The following EIF3A variants were observed in gnomAD, a reference collection of about 807,000 sequenced individuals.
The protein encoded by EIF3A is eukaryotic translation initiation factor 3 subunit A.
In EIF3A, 21 loss-of-function variants were observed where a neutral mutation model predicts 186.6. That is an observed-to-expected ratio of 0.11 (90% CI 0.08 to 0.16). The LOEUF is 0.16. Among genes scored for constraint, EIF3A ranks in the 10% least tolerant of loss-of-function variants. The pLI is 1.00. For missense variants in EIF3A, 1,306 were observed against 1,796.3 expected, an observed-to-expected ratio of 0.73 and a Z score of 4.93; for synonymous variants, 563 against 584.3, an observed-to-expected ratio of 0.96 and a Z score of 0.52.
At chr10:119,066,476 T>A (rs1843980392) in intron 6 of EIF3A, among the ~76,000 whole-genome samples, 1 of 114,840 alleles carries the variant, frequency 8.7e-6, no homozygotes, top group African/African-American at 3.5e-5. Context: ...GCCACTGGAC[T>A]CCAGCCTGGG....
intron 1 of EIF3A, among the ~76,000 whole-genome samples, chr10:119,076,987 A>G (rs1261507917): frequency 6.6e-6 from 1 of 151,840 alleles, no homozygotes; most frequent in Non-Finnish European, 1.5e-5. Flanking sequence ...GTTCTTCATA[A>G]CTAACAAAAA....
chr10:119,034,758 T>C lies in EIF3A; in HGVS notation c.*1281A>G, dbSNP rs942815064. On this transcript the variant is annotated 3_prime_UTR_variant, in exon 22 of 22. Transcript: ENST00000369144. Reference sequence around the variant, plus strand: ...CAAATTAACTACGATTTTTCTAATTTCAGGTGAAAACCCAAGGTGGTACTT... The same window carrying C: ...CAAATTAACTACGATTTTTCTAATTCCAGGTGAAAACCCAAGGTGGTACTT... 6.6e-6 allele frequency: 1 copy of C among 152,182 alleles called. No homozygotes were observed. The highest frequency in any genetic ancestry group is 2.4e-5 in the African/African-American group (1 of 41,442). The allele number at this position is 152,182 out of a possible 1,614,324, so 9.4% of individuals were successfully genotyped here.
rs1848228508 is a variant in EIF3A, at chr10:119,042,715, C to T, written c.2805G>A (p.Glu935=). ...CATCATCCCCCAGACGCCGGGGCCG[C>T]TCTTCATCTCTTCTATGAGACCTGT... The part of the protein sequence containing the change: ...DEDRSHRRDE[E]RPRRLGDDED... Residue 935 remains glutamate, a synonymous_variant, in exon 19 of 22, where the codon GAG becomes GAA. Transcript: ENST00000369144. The surrounding 1 kb of genome is among the most constrained non-coding windows in gnomAD (Gnocchi z 7.8). 3.1e-6 allele frequency: 5 copies of T among 1,613,584 alleles called. No homozygotes were observed. The highest frequency in any genetic ancestry group is 1.3e-5 in the African/African-American group (1 of 74,930).
Position 119,042,297 on chromosome 10 carries a change from C to T in EIF3A, c.3223G>A (p.Asp1075Asn), listed in dbSNP as rs779036916. The change falls in exon 19 of 22, where the codon GAT becomes AAT. Residue 1075 changes from aspartate to asparagine, a missense_variant. Around this residue, in one of 8 missense-constraint regions of EIF3A, gnomAD observed 410 missense variants for 473.5 expected, o/e 0.87. Transcript: ENST00000369144. The surrounding 1 kb of genome is among the most constrained non-coding windows in gnomAD (Gnocchi z 7.8). Reference protein sequence around the residue: ...DDRGPRRGLDDDRGPRRGMDD... With the variant: ...DDRGPRRGLDNDRGPRRGMDD... ...ATGCCTCGCCTGGGACCCCGATCAT[C>T]ATCCAACCCTCGCCTGGGACCCCGG... 1.2e-6 allele frequency: 2 copies of T among 1,614,012 alleles called. No homozygotes were observed. Among genetic ancestry groups the T allele is most frequent in the Non-Finnish European group, 1.7e-6 (2 of 1,179,994 alleles).
In EIF3A at chr10:119,035,888, T is replaced by C. The variant is rs1848120859; in HGVS notation, c.*151A>G. The C allele has an allele frequency of 1.6e-6, 1 of 633,338 alleles. No homozygotes were observed. Among genetic ancestry groups the C allele is most frequent in the Non-Finnish European group, 2.8e-6 (1 of 363,142 alleles). The allele number at this position is 633,338 out of a possible 1,614,324, so 39.2% of individuals were successfully genotyped here. ...GTGGATATGGTGCATGATCAATCTA[T>C]TATATAGGATTAATACAAGTTCATG... On this transcript the variant is annotated 3_prime_UTR_variant, in exon 22 of 22. Transcript: ENST00000369144.
Position 119,056,823 on chromosome 10 carries a change from C to T in EIF3A, c.2113G>A (p.Glu705Lys). 1.2e-6 allele frequency: 2 copies of T among 1,613,710 alleles called. No individual in the cohort carries two copies. Among genetic ancestry groups the T allele is most frequent in the Non-Finnish European group, 1.7e-6 (2 of 1,179,772 alleles). Residue 705 changes from glutamate to lysine, a missense_variant, in exon 14 of 22, where the codon GAA (glutamate) becomes AAA (lysine). Glu to Lys is a moderately conservative substitution (Grantham distance 56). Coordinates refer to ENST00000369144, the MANE Select transcript of EIF3A (RefSeq NM_003750.4). ...GCGCTCTTTATCAAAGGAATTTCTTCCAAACGTTTGGCTCTTTCAAAATAG... is the reference window on the plus strand; with the variant it reads ...GCGCTCTTTATCAAAGGAATTTCTTTCAAACGTTTGGCTCTTTCAAAATAG... Reference protein sequence around the residue: ...IDYFERAKRLEEIPLIKSAYE... With the variant: ...IDYFERAKRLKEIPLIKSAYE...
Position 119,036,105 on chromosome 10 carries a change from A to G in EIF3A, c.4083T>C (p.Asp1361=), listed in dbSNP as rs1421911588. The change falls in exon 22 of 22, where the codon GAT becomes GAC. Residue 1361 remains aspartate (D), a synonymous_variant. Coordinates refer to ENST00000369144, the MANE Select transcript of EIF3A (RefSeq NM_003750.4). ...TTTTAGTACGACGGAGAGATTCCCT[A>G]TCTTTCTCAGCTCTCCATGAGGCCT... ...KEKASWRAEK[D]RESLRRTKNE... 2.5e-6 allele frequency: 4 copies of G among 1,613,598 alleles called. No individual in the cohort carries two copies. In the African/African-American group the frequency reaches 4.0e-5, roughly 16 times the overall value.
intron 4 of EIF3A, among the ~76,000 whole-genome samples, chr10:119,072,282 T>G (rs1216722519): frequency 2.7e-5 from 4 of 148,736 alleles, no homozygotes; most frequent in African/African-American, 9.9e-5. Context: ...TTTTCAGTTA[T>G]ACAGAGAATT....
rs7909974 is a variant in EIF3A at position 119,057,394 on chromosome 10, C to T, written c.1978-354G>A. Among the ~76,000 whole-genome samples, 1,478 of 152,304 alleles carry T rather than the reference C, an allele frequency of 9.7e-3. 16 individuals carry two copies. The highest frequency in any genetic ancestry group is 0.033 in the African/African-American group (1,384 of 41,554). ...TCCACACCTGACCCATGTGACAGGT[C>T]AGTCAAAATGCATTCAAAACTTTGT... is the stretch of plus-strand genomic sequence containing the variant. On this transcript the variant is annotated intron_variant, in intron 12 of 21. Transcript: ENST00000369144.
intron 9 of EIF3A, 114 bp from the exon 10 acceptor site, chr10:119,059,832 C>A: frequency 4.0e-6 from 3 of 752,048 alleles, no homozygotes; most frequent in Non-Finnish European, 7.1e-6. Flanking sequence ...TTTATGTTAG[C>A]AGTACATTGT....
At chr10:119,060,913 CTTTTT>C in intron 8 of EIF3A, 69 bp from the exon 9 acceptor site, 1 of 940,086 alleles carries the variant, frequency 1.1e-6, no homozygotes, top group South Asian at 1.6e-5. Context: ...ATCTAAAACT[CTTTTT>C]TTTTTAATAT....
chr10:119,057,739 C>CA (rs1041929668), intron 12 of EIF3A, among the ~76,000 whole-genome samples: 1 of 152,162 alleles, frequency 6.6e-6, no homozygotes, highest in African/African-American at 2.4e-5. Context: ...CACGTCACTG[C>CA]ACTCCAGCCT....
chr10:119,073,095 C>G, intron 3 of EIF3A, 42 bp from the exon 4 acceptor site: 1 of 1,562,548 alleles, frequency 6.4e-7, no homozygotes, highest in African/African-American at 1.4e-5. Flanking sequence ...AGACAGTTTC[C>G]TACTTTGCCA....
chr10:119,076,472 A>G (rs1844175662), intron 1 of EIF3A, among the ~76,000 whole-genome samples: 1 of 150,312 alleles, frequency 6.7e-6, no homozygotes, highest in African/African-American at 2.5e-5. Context: ...TCTTTCGCTG[A>G]CTCCATCTTA....
At chr10:119,043,984 C>T in intron 18 of EIF3A, 70 bp downstream of exon 18, 1 of 1,186,550 alleles carries the variant, frequency 8.4e-7, no homozygotes, top group Non-Finnish European at 1.3e-6. Flanking sequence ...CAAAATGAAC[C>T]AAATTTTAAA....
intron 19 of EIF3A, among the ~76,000 whole-genome samples, chr10:119,041,182 A>G (rs1474939746): frequency 6.6e-6 from 1 of 152,042 alleles, no homozygotes. Flanking sequence ...CACCTCAAAA[A>G]GAAAAAAAAT....
At chr10:119,068,531 C>T (rs1047948306) in intron 6 of EIF3A, among the ~76,000 whole-genome samples, 3 of 151,956 alleles carry the variant, frequency 2.0e-5, no homozygotes, top group Non-Finnish European at 4.4e-5. Flanking sequence ...AAAAAATTAG[C>T]CAGGCATGGT....
chr10:119,055,652 G>A (rs1377928840), intron 14 of EIF3A, among the ~76,000 whole-genome samples: 5 of 152,130 alleles, frequency 3.3e-5, no homozygotes, highest in African/African-American at 9.7e-5. Flanking sequence ...CAGGAGAATC[G>A]TTTGAGCCCA....
At chr10:119,047,924 A>T (rs1332298165) in intron 17 of EIF3A, among the ~76,000 whole-genome samples, 1 of 152,106 alleles carries the variant, frequency 6.6e-6, no homozygotes, top group East Asian at 1.9e-4. Context: ...GAGCTTTCTG[A>T]GTGAAAAGTA....
Sources: gnomAD v4.1 joint callset for allele counts (sites outside exome capture counted in the v4.1 genomes callset) on GRCh38, gnomAD v4.1.1 for gene constraint, gnomAD v4.1.1 regional missense constraint, Gnocchi (gnomAD v3.1) non-coding constraint, MANE v1.5 for transcripts, NCBI Gene and HGNC (gene_info 2026-07-23, HGNC 2026-07-21) for gene names.